Variants in CNTNAP2 observed in about 807,000 individuals in gnomAD.
CNTNAP2 encodes the protein contactin-associated protein-like 2.
In CNTNAP2, 98 loss-of-function variants were observed where a neutral mutation model predicts 155.2. The ratio of observed to expected loss-of-function variants is 0.63; its 90% CI spans 0.54 to 0.75. CNTNAP2 has a LOEUF of 0.75. Among genes scored for constraint, CNTNAP2 ranks in the 30% least tolerant of loss-of-function variants. The pLI, the probability that CNTNAP2 is intolerant of heterozygous loss-of-function variation, is 0.00. For missense variants in CNTNAP2, 1,727 were observed against 1,688.1 expected (o/e 1.02, Z -0.40); for synonymous variants, 651 against 631.2 (o/e 1.03, Z -0.47).
At chr7:147,984,874 G>T (rs1801589319) in intron 15 of CNTNAP2, among the ~76,000 whole-genome samples, 2 of 152,090 alleles carry the variant, frequency 1.3e-5, no homozygotes, top group South Asian at 4.1e-4. Context: ...CAACACTTTG[G>T]GAGGCTGAGG....
intron 10 of CNTNAP2, among the ~76,000 whole-genome samples, chr7:147,454,803 C>T (rs1047753338): frequency 6.6e-6 from 1 of 151,826 alleles, no homozygotes; most frequent in African/African-American, 2.4e-5. Flanking sequence ...CCTGAAAGGT[C>T]AGGGCTCATG....
chr7:147,988,605 A>G (rs994175650), intron 15 of CNTNAP2, among the ~76,000 whole-genome samples: 3 of 151,964 alleles, frequency 2.0e-5, no homozygotes, highest in African/African-American at 7.3e-5. Flanking sequence ...AAAAAAAACA[A>G]TCAGAGTTTA....
intron 8 of CNTNAP2, among the ~76,000 whole-genome samples, chr7:147,243,416 G>A (rs879285628): frequency 1.5e-4 from 23 of 152,008 alleles, no homozygotes; most frequent in African/African-American, 5.6e-4. Context: ...CTTCCAGCAC[G>A]CACCCTTCCT....
At chr7:147,113,746 A>G (rs994130000) in intron 5 of CNTNAP2, among the ~76,000 whole-genome samples, 1 of 152,140 alleles carries the variant, frequency 6.6e-6, no homozygotes, top group African/African-American at 2.4e-5. Flanking sequence ...GAGCCAGATC[A>G]TATCAACCAG....
In CNTNAP2 at chr7:147,514,621, T is replaced by TAAA. The variant is rs5888268; in HGVS notation, c.1777+28590_1777+28592dup. ...GATTCTTAGAAAGTGAGATTTGAACTAAAAAAAAAAAATAATAAGGTGTTT... is the reference window on the plus strand; with the variant it reads ...GATTCTTAGAAAGTGAGATTTGAACTAAAAAAAAAAAAAAATAATAAGGTGTTT... On this transcript the variant is annotated intron_variant, in intron 11 of 23. Coordinates refer to ENST00000361727, the MANE Select transcript of CNTNAP2 (RefSeq NM_014141.6). Among the ~76,000 whole-genome samples the TAAA allele has an allele frequency of 6.6e-3, 959 of 144,922 alleles. 6 individuals carry two copies. Among genetic ancestry groups the TAAA allele is most frequent in the African/African-American group, 0.023 (894 of 39,650 alleles).
intron 1 of CNTNAP2, among the ~76,000 whole-genome samples, chr7:146,646,354 A>G (rs906058373): frequency 7.2e-5 from 11 of 152,164 alleles, no homozygotes; most frequent in African/African-American, 2.4e-4. Context: ...ATGTGTATTT[A>G]TGTGTATATA....
chr7:147,273,862 A>G (rs1464678173), intron 8 of CNTNAP2, among the ~76,000 whole-genome samples: 4 of 147,606 alleles, frequency 2.7e-5, no homozygotes, highest in African/African-American at 9.8e-5. Context: ...ATAAATATAT[A>G]TGTAATATAT....
chr7:148,169,501 G>C (rs548304738), intron 17 of CNTNAP2, among the ~76,000 whole-genome samples: 1 of 152,148 alleles, frequency 6.6e-6, no homozygotes, highest in Non-Finnish European at 1.5e-5. Flanking sequence ...AGTGTGCAAA[G>C]GTTTTCATAA....
At chr7:147,268,507 G>T (rs1804668168) in intron 8 of CNTNAP2, among the ~76,000 whole-genome samples, 1 of 152,134 alleles carries the variant, frequency 6.6e-6, no homozygotes, top group African/African-American at 2.4e-5. Flanking sequence ...ACCGGGGCCT[G>T]TTGCAGGGTG....
chr7:147,899,666 C>A (rs538541743), intron 13 of CNTNAP2, among the ~76,000 whole-genome samples: 2 of 152,204 alleles, frequency 1.3e-5, no homozygotes, highest in African/African-American at 4.8e-5. Flanking sequence ...GGGTGGATCA[C>A]CTGAGGTCAG....
At chr7:146,495,314 C>T (rs534681517) in intron 1 of CNTNAP2, among the ~76,000 whole-genome samples, 3 of 152,060 alleles carry the variant, frequency 2.0e-5, no homozygotes, top group Admixed American at 6.6e-5. Context: ...GTGTTTTCTT[C>T]GAATTAAGGT....
intron 6 of CNTNAP2, among the ~76,000 whole-genome samples, chr7:147,124,843 G>GATGTA (rs1338549636): frequency 4.1e-5 from 6 of 145,688 alleles, no homozygotes; most frequent in Non-Finnish European, 9.0e-5. Flanking sequence ...TCACTCCTTT[G>GATGTA]ATGTAACTCT....
chr7:146,571,508 A>G (rs909772656), intron 1 of CNTNAP2, among the ~76,000 whole-genome samples: 2 of 152,208 alleles, frequency 1.3e-5, no homozygotes, highest in Admixed American at 6.5e-5. Flanking sequence ...AATAGTTTAT[A>G]GGACTTTTAT....
chr7:147,116,342 G>C (rs1800988714), intron 5 of CNTNAP2, among the ~76,000 whole-genome samples: 1 of 152,178 alleles, frequency 6.6e-6, no homozygotes, highest in Admixed American at 6.5e-5. Context: ...GCTGCTTTTT[G>C]ATAGAGCCAC....
intron 20 of CNTNAP2, among the ~76,000 whole-genome samples, chr7:148,262,213 T>C (rs995860915): frequency 6.6e-6 from 1 of 152,100 alleles, no homozygotes; most frequent in Non-Finnish European, 1.5e-5. Flanking sequence ...AATTCAGTTA[T>C]TGGGCCTCTT....
chr7:147,354,377 A>G (rs151205115), intron 9 of CNTNAP2, among the ~76,000 whole-genome samples: 34,670 of 152,018 alleles, frequency 0.23, 4,341 homozygotes, highest in Non-Finnish European at 0.28. Flanking sequence ...TCCCAACACT[A>G]TTTATTAAAT....
chr7:147,241,938 A>C (rs1244799339), intron 8 of CNTNAP2, among the ~76,000 whole-genome samples: 1 of 152,210 alleles, frequency 6.6e-6, no homozygotes, highest in Non-Finnish European at 1.5e-5. Flanking sequence ...TCTCATATCT[A>C]GTTATTGAAA....
intron 3 of CNTNAP2, among the ~76,000 whole-genome samples, chr7:146,929,329 G>C (rs970037906): frequency 6.6e-6 from 1 of 152,140 alleles, no homozygotes; most frequent in African/African-American, 2.4e-5. Flanking sequence ...AGGCAAACAG[G>C]GTCTGGAGTG....
chr7:147,194,269 T>C (rs374496356), intron 8 of CNTNAP2, among the ~76,000 whole-genome samples: 1 of 152,186 alleles, frequency 6.6e-6, no homozygotes, highest in African/African-American at 2.4e-5. Context: ...TCTCATTCCT[T>C]TTTATGGCCG....
Sources: allele counts gnomAD v4.1 joint callset (sites outside exome capture counted in the v4.1 genomes callset), GRCh38; gene constraint gnomAD v4.1.1; transcripts MANE v1.5; gene names NCBI Gene and HGNC (gene_info 2026-07-23, HGNC 2026-07-21).